The following UNC80 variants were observed in gnomAD, a reference collection of about 807,000 sequenced individuals.
The protein encoded by UNC80 is protein unc-80 homolog.
Under a neutral mutation model 384.6 loss-of-function variants are expected in UNC80, and 164 were observed. The ratio of observed to expected loss-of-function variants is 0.43; its 90% CI spans 0.38 to 0.49. The LOEUF (loss-of-function observed/expected upper bound fraction) is 0.49. Among genes scored for constraint, UNC80 ranks in the 20% least tolerant of loss-of-function variants. The probability of loss-of-function intolerance (pLI) is 0.00; values close to 1 mark genes in which losing one functional copy is unlikely to be tolerated. For synonymous variants in UNC80, 1,486 were observed against 1,527.8 expected, an observed-to-expected ratio of 0.97 and a Z score of 0.64; for missense variants, 3,330 against 4,143.0, an observed-to-expected ratio of 0.80 and a Z score of 5.39.
intron 28 of UNC80, among the ~76,000 whole-genome samples, chr2:209,903,326 G>A (rs1258313613): frequency 3.2e-4 from 42 of 131,256 alleles, no homozygotes; most frequent in African/African-American, 1.2e-3. Context: ...TTATATGTGT[G>A]TGTGTGTGTG....
In UNC80 at chr2:209,954,388, C is replaced by T. The variant is rs756686180; in HGVS notation, c.7457+118C>T. ...AAAACCCAATCTTTATTTACAGATACCTCCTAAACTCAGCCCTTTATGCCT... is the reference window on the plus strand; with the variant it reads ...AAAACCCAATCTTTATTTACAGATATCTCCTAAACTCAGCCCTTTATGCCT... On this transcript the variant is annotated intron_variant, in intron 48 of 64. Coordinates refer to ENST00000673920, the MANE Select transcript of UNC80 (RefSeq NM_001371986.1). 2.5e-5 allele frequency: 26 copies of T among 1,037,926 alleles called. No individual in the cohort carries two copies. The African/African-American group carries it at 3.7e-4, about 15-fold the overall frequency. The allele number at this position is 1,037,926 out of a possible 1,614,324, so 64.3% of individuals were successfully genotyped here. A position where few individuals can be genotyped will look rare whatever the true frequency, so the allele number is the denominator to read the frequency against.
intron 31 of UNC80, among the ~76,000 whole-genome samples, chr2:209,915,525 T>C (rs554525904): frequency 6.6e-6 from 1 of 151,176 alleles, no homozygotes; most frequent in East Asian, 1.9e-4. Flanking sequence ...GGGTCACAAG[T>C]CCATAATATT....
chr2:209,956,262 C>G (rs1225319899), intron 48 of UNC80, among the ~76,000 whole-genome samples: 2 of 136 alleles, frequency 0.015, no homozygotes, highest in Non-Finnish European at 0.042. Flanking sequence ...AGTAGTTACT[C>G]AAACCAAAAT....
At chr2:209,808,288 C>A (rs1051194071) in intron 7 of UNC80, among the ~76,000 whole-genome samples, 2 of 122,904 alleles carry the variant, frequency 1.6e-5, no homozygotes, top group Non-Finnish European at 4.0e-5. Flanking sequence ...CAAGGCTGGG[C>A]GTGGTGGTTC....
rs73080869 is a variant in UNC80 at position 209,976,660 on chromosome 2, A to G, written c.8773-253A>G. Among the ~76,000 whole-genome samples, 209 of 152,248 alleles carry G rather than the reference A, an allele frequency of 1.4e-3. 1 individual carries two copies. The highest frequency in any genetic ancestry group is 4.8e-3 in the African/African-American group (200 of 41,520). ...GATTTTAAATAAACATAAGAAAAAC[A>G]TAGGATACTTAACGTATGTTTTTCC... On this transcript the variant is annotated intron_variant, in intron 57 of 64. Transcript: ENST00000673920. This position sits in a 1 kb window ranked among gnomAD's most constrained non-coding sequence, Gnocchi z 4.3.
At chr2:209,923,897 T>G (rs1178923021) in intron 35 of UNC80, among the ~76,000 whole-genome samples, 1 of 152,200 alleles carries the variant, frequency 6.6e-6, no homozygotes, top group Non-Finnish European at 1.5e-5. Flanking sequence ...TTAGTCAGTT[T>G]ACATTTATTG....
chr2:209,944,979 A>G, intron 45 of UNC80, 72 bp from the exon 46 acceptor site: 1 of 1,505,852 alleles, frequency 6.6e-7, no homozygotes, highest in East Asian at 2.5e-5. Flanking sequence ...CATTTATAAA[A>G]TTTGAATTCC....
At chr2:209,920,854 G>T (rs1183846728) in intron 33 of UNC80, among the ~76,000 whole-genome samples, 1 of 150,204 alleles carries the variant, frequency 6.7e-6, no homozygotes, top group Non-Finnish European at 1.5e-5. Context: ...TTGAGACAGG[G>T]TCTCGCTCTG....
chr2:209,893,894 C>T lies in UNC80; in HGVS notation c.4277-269C>T, dbSNP rs573254939. 8.5e-5 allele frequency among the ~76,000 whole-genome samples: 13 copies of T among 152,142 alleles called. No homozygotes were observed. In the South Asian group the frequency reaches 2.7e-3, roughly 32 times the overall value. On this transcript the variant is annotated intron_variant, in intron 26 of 64. Transcript: ENST00000673920. ...TACTAATAGTCCTAGTTGATGCTGC[C>T]CCAAAAGCACACTCATGCTAGTGAA...
intron 8 of UNC80, among the ~76,000 whole-genome samples, chr2:209,814,986 A>G (rs1056714313): frequency 3.3e-5 from 5 of 152,004 alleles, no homozygotes; most frequent in African/African-American, 7.2e-5. Flanking sequence ...TTAAAAAAAA[A>G]AGAGAGATCC....
chr2:209,831,601 T>C lies in UNC80; in HGVS notation c.2775+10T>C, dbSNP rs2080971614. 6.5e-7 allele frequency: 1 copy of C among 1,527,336 alleles called. No individual in the cohort carries two copies. The highest frequency in any genetic ancestry group is 1.4e-5 in the African/African-American group (1 of 72,146). 94.6% of individuals were successfully genotyped at this position (1,527,336 alleles called of 1,614,324 possible). ...CAGCCCTGAGAATCTGGTGAGAAGCTCTCCTCTCTTCCCACAGGAGCTCTC... is the reference window on the plus strand; with the variant it reads ...CAGCCCTGAGAATCTGGTGAGAAGCCCTCCTCTCTTCCCACAGGAGCTCTC... On this transcript the variant is annotated intron_variant, in intron 16 of 64. Transcript: ENST00000673920.
chr2:209,970,760 T>G, intron 53 of UNC80, 72 bp from the exon 54 acceptor site: 101 of 1,474,956 alleles, frequency 6.8e-5, no homozygotes, highest in Non-Finnish European at 8.6e-5. Context: ...TCATCATCAT[T>G]GAGACTCCTT....
Position 209,872,780 on chromosome 2 carries a change from C to T in UNC80, c.3650C>T (p.Ala1217Val), listed in dbSNP as rs535783955. The change falls in exon 23 of 65, where the codon GCA becomes GTA. Residue 1217 changes from alanine to valine, a missense_variant. Ala to Val is a moderately conservative substitution (Grantham distance 64). Transcript: ENST00000673920. This position sits in a 1 kb window ranked among gnomAD's most constrained non-coding sequence, Gnocchi z 4.1. The part of the protein sequence containing the change: ...LDLEAPVVAR[A>V]ALFLECARFV... ...CAGGAAGCCCCTGTGGTGGCCAGAGCAGCCTTGTTCCTGGAATGTGCTCGT... is the reference window on the plus strand; with the variant it reads ...CAGGAAGCCCCTGTGGTGGCCAGAGTAGCCTTGTTCCTGGAATGTGCTCGT... 1.3e-6 allele frequency: 2 copies of T among 1,551,500 alleles called. No homozygotes were observed. Among genetic ancestry groups the T allele is most frequent in the Admixed American group, 2.0e-5 (1 of 51,000 alleles).
chr2:209,962,078 C>T (rs2125003680), intron 51 of UNC80, among the ~76,000 whole-genome samples: 1 of 152,264 alleles, frequency 6.6e-6, no homozygotes, highest in South Asian at 2.1e-4. Flanking sequence ...AGCATTCCTT[C>T]CTTCTGGGAA....
At chr2:209,977,181 A>C in intron 58 of UNC80, 103 bp downstream of exon 58, 1 of 1,191,444 alleles carries the variant, frequency 8.4e-7, no homozygotes, top group Non-Finnish European at 1.1e-6. Context: ...AACTATGAAT[A>C]TGTTAGCCAT....
At chr2:209,987,384 A>G (rs2125027903) in intron 61 of UNC80, among the ~76,000 whole-genome samples, 1 of 152,226 alleles carries the variant, frequency 6.6e-6, no homozygotes, top group East Asian at 1.9e-4. Flanking sequence ...TGCTTTGCAG[A>G]AAAGATTCTT....
At chr2:209,982,464 C>T (rs2093179898) in intron 60 of UNC80, 147 bp downstream of exon 60, 1 of 1,052,056 alleles carries the variant, frequency 9.5e-7, no homozygotes, top group African/African-American at 1.6e-5. Flanking sequence ...GATTTGTCAA[C>T]TAGGTTCCTG....
chr2:209,964,853 T>C (rs112024714), intron 51 of UNC80, among the ~76,000 whole-genome samples: 4,853 of 151,114 alleles, frequency 0.032, 159 homozygotes, highest in South Asian at 0.14. Flanking sequence ...CTTAAGGACA[T>C]ATCAACAAAT....
At chr2:209,977,274 A>C (rs2125017852) in intron 58 of UNC80, among the ~76,000 whole-genome samples, 196 bp downstream of exon 58, 1 of 152,346 alleles carries the variant, frequency 6.6e-6, no homozygotes, top group African/African-American at 2.4e-5. Flanking sequence ...TTTGTCAGTA[A>C]CAAAATAGAA....
Sources: allele counts gnomAD v4.1 joint callset (sites outside exome capture counted in the v4.1 genomes callset), GRCh38; gene constraint gnomAD v4.1.1; non-coding constraint Gnocchi (gnomAD v3.1); transcripts MANE v1.5; gene names NCBI Gene and HGNC (gene_info 2026-07-23, HGNC 2026-07-21).